Variants in DLEC1 observed in about 807,000 individuals in gnomAD.
The protein encoded by DLEC1 is DLEC1 cilia and flagella associated protein, also known as deleted in lung and esophageal cancer protein 1.
In DLEC1, 146 loss-of-function variants were observed where a neutral mutation model predicts 198.1. The observed-to-expected ratio is 0.74, with a 90% CI of 0.64 to 0.85. DLEC1 has a LOEUF of 0.85. Among genes scored for constraint, DLEC1 ranks in the 40% least tolerant of loss-of-function variants. The pLI is 0.00. For synonymous variants in DLEC1, 897 were observed against 866.8 expected (o/e 1.03, Z -0.61); for missense variants, 2,233 against 2,220.0 (o/e 1.01, Z -0.12).
At chr3:38,084,434 A>AGTG (rs1458858662) in intron 7 of DLEC1, among the ~76,000 whole-genome samples, 189 bp downstream of exon 7, 5 of 1,990 alleles carry the variant, frequency 2.5e-3, no homozygotes, top group Non-Finnish European at 4.8e-3. Flanking sequence ...TAGTAGTAGT[A>AGTG]GTGGTGGTGG....
intron 27 of DLEC1, among the ~76,000 whole-genome samples, chr3:38,116,232 G>A (rs1277760663): frequency 1.3e-5 from 2 of 152,178 alleles, no homozygotes; most frequent in Non-Finnish European, 2.9e-5. Context: ...GTGACCATGA[G>A]GACTTCAGGT....
chr3:38,040,810 TC>T (rs1411820241), intron 1 of DLEC1, among the ~76,000 whole-genome samples: 2 of 152,130 alleles, frequency 1.3e-5, no homozygotes, highest in Non-Finnish European at 2.9e-5. Flanking sequence ...CAAATAGTGA[TC>T]CCTTTTTTTG....
chr3:38,122,312 C>T lies in DLEC1; in HGVS notation c.5168C>T (p.Thr1723Met), dbSNP rs201017952. ...TARSSELYESTMVVEGVLGEK... is the reference protein window; with the variant it reads ...TARSSELYESMMVVEGVLGEK... ...AGGAGTAGTGAGCTGTACGAGTCCA[C>T]GATGGTGGTGGAAGGTGTGCTCGGT... The change falls in exon 37 of 37, where the codon ACG becomes ATG. Residue 1723 changes from threonine to methionine, a missense_variant. Transcript: ENST00000308059. 4.4e-5 allele frequency: 71 copies of T among 1,613,712 alleles called. No homozygotes were observed. In the African/African-American group the frequency reaches 4.9e-4, roughly 11 times the overall value.
chr3:38,117,634 G>T (rs373487185), intron 32 of DLEC1, 23 bp downstream of exon 32: 4 of 1,613,966 alleles, frequency 2.5e-6, no homozygotes, highest in Non-Finnish European at 3.4e-6. Context: ...CCACCCTCTG[G>T]CCCTGCCAGC....
In DLEC1 at chr3:38,112,395, G is replaced by C. The variant is rs764981031; in HGVS notation, c.3666+34G>C. 1.2e-6 allele frequency: 2 copies of C among 1,607,412 alleles called. No individual in the cohort carries two copies. The highest frequency in any genetic ancestry group is 2.7e-5 in the African/African-American group (2 of 74,914). On this transcript the variant is annotated intron_variant, in intron 25 of 36. Transcript: ENST00000308059. The surrounding 1 kb of genome is among the most constrained non-coding windows in gnomAD (Gnocchi z 4.8). The stretch of plus-strand genomic sequence containing the variant: ...ACACAAGAGGGCAGTGGCCTGGGGG[G>C]TGGAGAGTCTGCCCAGCCCTCGCCT...
At position 38,045,569 on chromosome 3, in the gene DLEC1, G is replaced by A. The variant is rs917102248; in HGVS notation, c.438G>A (p.Leu146=). ...TTCGGGAGCTCTATAAGCAGCGGCTGGATGAGTTTGAAATGTTGGAGAGAC... is the reference window on the plus strand; with the variant it reads ...TTCGGGAGCTCTATAAGCAGCGGCTAGATGAGTTTGAAATGTTGGAGAGAC... ...QQIRELYKQR[L]DEFEMLERHI... is the part of the protein sequence containing the mutation. The change falls in exon 2 of 37, where the codon CTG becomes CTA. Residue 146 remains leucine (L), a synonymous_variant. Transcript: ENST00000308059. 2.5e-6 allele frequency: 4 copies of A among 1,613,756 alleles called. No individual in the cohort carries two copies. The highest frequency in any genetic ancestry group is 2.7e-5 in the African/African-American group (2 of 74,894).
chr3:38,072,260 C>G (rs9857829), intron 6 of DLEC1, among the ~76,000 whole-genome samples: 3 of 151,754 alleles, frequency 2.0e-5, no homozygotes, highest in Non-Finnish European at 2.9e-5. Flanking sequence ...AAAGTATATG[C>G]GTCAGGTGTG....
intron 2 of DLEC1, among the ~76,000 whole-genome samples, chr3:38,050,680 T>G (rs1212561280): frequency 6.6e-6 from 1 of 152,170 alleles, no homozygotes; most frequent in South Asian, 2.1e-4. Flanking sequence ...ACCTCCAACT[T>G]TAGGAAAAAA....
At chr3:38,109,386 C>G in intron 21 of DLEC1, 46 bp from the exon 22 acceptor site, 3 of 1,610,108 alleles carry the variant, frequency 1.9e-6, no homozygotes, top group Non-Finnish European at 2.5e-6. Context: ...GGCTCATCTT[C>G]AGAGGCCCCA....
At chr3:38,080,381 C>T (rs1001734419) in intron 6 of DLEC1, among the ~76,000 whole-genome samples, 3 of 152,012 alleles carry the variant, frequency 2.0e-5, no homozygotes, top group Non-Finnish European at 4.4e-5. Context: ...CTCAATGATG[C>T]TTGGGGTTGG....
At chr3:38,049,072 G>GTT (rs1559393394) in intron 2 of DLEC1, among the ~76,000 whole-genome samples, 1 of 116,874 alleles carries the variant, frequency 8.6e-6, no homozygotes, top group African/African-American at 3.8e-5. Flanking sequence ...TAACTATTTG[G>GTT]GTTTTTTTTT....
In DLEC1 at chr3:38,117,556, G is replaced by A. The variant is rs202014340; in HGVS notation, c.4430G>A (p.Ser1477Asn). Residue 1477 changes from serine to asparagine, a missense_variant, in exon 32 of 37, where the codon AGT becomes AAT. Transcript: ENST00000308059. ...AGTGTGGAGCTGGACTACGGCGGCA[G>A]TATGGAATTCCAGTGCCAGGCCAGT... Reference protein sequence around the residue: ...QLSVELDYGGSMEFQCQASDL... With the variant: ...QLSVELDYGGNMEFQCQASDL... 1.7e-5 allele frequency: 27 copies of A among 1,614,188 alleles called. No individual in the cohort carries two copies. In the Admixed American group the frequency reaches 4.0e-4, roughly 24 times the overall value.
chr3:38,121,491 T>A lies in DLEC1; in HGVS notation c.4867-137T>A, dbSNP rs537229027. On this transcript the variant is annotated intron_variant, in intron 34 of 36. Coordinates refer to ENST00000308059, the MANE Select transcript of DLEC1 (RefSeq NM_007335.4). ...AGCCTGTGGCCTTTTAAGGTGGCGC[T>A]GGTCCCCTGCCAACTTCTGGGAGCT... 1.4e-4 allele frequency: 156 copies of A among 1,100,424 alleles called. 1 individual carries two copies. The highest frequency in any genetic ancestry group is 1.9e-4 in the Non-Finnish European group (148 of 782,876). 68.2% of individuals were successfully genotyped at this position (1,100,424 alleles called of 1,614,324 possible).
At chr3:38,064,221 G>T (rs1407007366) in intron 6 of DLEC1, among the ~76,000 whole-genome samples, 14 of 151,852 alleles carry the variant, frequency 9.2e-5, no homozygotes, top group Non-Finnish European at 1.5e-5. Flanking sequence ...CTCTTAACGA[G>T]CATGCTGCCT....
chr3:38,042,619 G>A (rs1042899162), intron 1 of DLEC1, among the ~76,000 whole-genome samples: 4 of 137,380 alleles, frequency 2.9e-5, no homozygotes, highest in Middle Eastern at 3.7e-3. Flanking sequence ...GCAGTGGCAC[G>A]ATCTCAGCTC....
chr3:38,098,239 T>G (rs1219098831), intron 18 of DLEC1, among the ~76,000 whole-genome samples: 1 of 152,132 alleles, frequency 6.6e-6, no homozygotes, highest in Non-Finnish European at 1.5e-5. Flanking sequence ...CTGCTGCTGC[T>G]CCAGCCGCAT....
chr3:38,117,677 T>G (rs1235303552), intron 32 of DLEC1, 66 bp downstream of exon 32: 2 of 1,609,084 alleles, frequency 1.2e-6, no homozygotes, highest in African/African-American at 1.3e-5. Context: ...TGTGTGCCCT[T>G]GTGGGACTCA....
chr3:38,115,020 C>G lies in DLEC1; in HGVS notation c.3823C>G (p.Arg1275Gly), dbSNP rs373803738. 14 of 1,614,024 alleles carry G rather than the reference C, an allele frequency of 8.7e-6. No individual in the cohort carries two copies. The highest frequency in any genetic ancestry group is 1.2e-5 in the Non-Finnish European group (14 of 1,179,958). ...TQVSGGDTVTRTLRLNNSSPC... is the reference protein window; with the variant it reads ...TQVSGGDTVTGTLRLNNSSPC... ...GGTCTCCGGAGGAGACACAGTTACC[C>G]GAACCCTTCGCCTGAATAACTCCAG... The change falls in exon 27 of 37, where the codon CGA becomes GGA. Residue 1275 changes from arginine to glycine, a missense_variant. By Grantham distance (125) the Arg-to-Gly change is moderately radical (BLOSUM62 -2). Transcript: ENST00000308059.
chr3:38,092,889 G>A lies in DLEC1; in HGVS notation c.1756+9G>A. 1 of 1,614,096 alleles carries A rather than the reference G, an allele frequency of 6.2e-7. No individual in the cohort carries two copies. The highest frequency in any genetic ancestry group is 8.5e-7 in the Non-Finnish European group (1 of 1,179,954). ...GGAGCTGGTGACCATAGGTGGGCTT[G>A]AGTGTACTCCCAGGGGCAAGGCTGG... On this transcript the variant is annotated intron_variant, in intron 11 of 36. Transcript: ENST00000308059.
Sources: allele counts gnomAD v4.1 joint callset (sites outside exome capture counted in the v4.1 genomes callset), GRCh38; gene constraint gnomAD v4.1.1; non-coding constraint Gnocchi (gnomAD v3.1); transcripts MANE v1.5; gene names NCBI Gene and HGNC (gene_info 2026-07-23, HGNC 2026-07-21).